WDFY4: variants seen among roughly 807,000 people sequenced by gnomAD.
WDFY4 encodes the protein WD repeat- and FYVE domain-containing protein 4.
Under a neutral mutation model 351.9 loss-of-function variants are expected in WDFY4, and 169 were observed. That is an observed-to-expected ratio of 0.48 (90% CI 0.42 to 0.55). WDFY4 has a LOEUF of 0.55. Ranked by LOEUF, WDFY4 falls within the 20% of genes least tolerant of loss-of-function variation. The pLI, the probability that WDFY4 is intolerant of heterozygous loss-of-function variation, is 0.00. For missense variants in WDFY4, 3,803 were observed against 3,935.6 expected (o/e 0.97, Z 0.90); for synonymous variants, 1,622 against 1,574.6 (o/e 1.03, Z -0.71).
chr10:48,767,425 G>C (rs756032450), intron 13 of WDFY4, among the ~76,000 whole-genome samples: 12 of 152,174 alleles, frequency 7.9e-5, no homozygotes, highest in Non-Finnish European at 1.6e-4. Flanking sequence ...TACATTTTAG[G>C]TATATTTCCA....
intron 47 of WDFY4, among the ~76,000 whole-genome samples, chr10:48,937,783 C>G (rs557251116): frequency 6.6e-6 from 1 of 152,314 alleles, no homozygotes; most frequent in South Asian, 2.1e-4. Flanking sequence ...ACGTCTGTCT[C>G]TACATGGATT....
intron 36 of WDFY4, among the ~76,000 whole-genome samples, chr10:48,828,223 G>A (rs2068069159): frequency 6.6e-6 from 1 of 152,156 alleles, no homozygotes; most frequent in African/African-American, 2.4e-5. Context: ...ATAAACCACT[G>A]TGTCCCCACT....
At chr10:48,865,656 G>A (rs914369779) in intron 39 of WDFY4, among the ~76,000 whole-genome samples, 4 of 152,320 alleles carry the variant, frequency 2.6e-5, no homozygotes, top group Non-Finnish European at 4.4e-5. Flanking sequence ...TTCACTAAGT[G>A]GTGGTTAGGA....
chr10:48,953,029 A>G (rs1841404903), intron 51 of WDFY4, among the ~76,000 whole-genome samples: 1 of 151,850 alleles, frequency 6.6e-6, no homozygotes, highest in Non-Finnish European at 1.5e-5. Context: ...GTCATCCCAC[A>G]GTCCTTCAGA....
chr10:48,778,377 C>G (rs867716551), intron 17 of WDFY4, among the ~76,000 whole-genome samples: 44 of 152,262 alleles, frequency 2.9e-4, no homozygotes, highest in African/African-American at 1.1e-3. Flanking sequence ...GAGCACACTG[C>G]CTGGCTATAG....
intron 32 of WDFY4, among the ~76,000 whole-genome samples, chr10:48,817,616 A>G (rs2067667671): frequency 6.6e-6 from 1 of 152,230 alleles, no homozygotes. Context: ...AGATTCAATA[A>G]TTTTTTTGAG....
intron 1 of WDFY4, among the ~76,000 whole-genome samples, chr10:48,701,532 T>G (rs1227625680): frequency 1.3e-5 from 2 of 152,222 alleles, no homozygotes; most frequent in African/African-American, 4.8e-5. Context: ...GGATGAGAAC[T>G]TAAAGGACAG....
At chr10:48,722,558 C>G (rs981103492) in intron 4 of WDFY4, among the ~76,000 whole-genome samples, 3 of 152,224 alleles carry the variant, frequency 2.0e-5, no homozygotes, top group Non-Finnish European at 4.4e-5. Context: ...TTCTCTTTCT[C>G]TGACTTCCCC....
intron 39 of WDFY4, among the ~76,000 whole-genome samples, chr10:48,845,923 C>T (rs2068761682): frequency 6.6e-6 from 1 of 152,180 alleles, no homozygotes; most frequent in South Asian, 2.1e-4. Context: ...ATCCATTCCT[C>T]ATCCATCAAC....
At chr10:48,828,917 T>A in intron 37 of WDFY4, 21 bp downstream of exon 37, 2 of 57,372 alleles carry the variant, frequency 3.5e-5, no homozygotes, top group Non-Finnish European at 6.6e-5. Context: ...TTTGTCATTG[T>A]GTGTGTGGGC....
intron 39 of WDFY4, among the ~76,000 whole-genome samples, chr10:48,843,130 A>G (rs182759958): frequency 5.3e-5 from 8 of 152,266 alleles, no homozygotes; most frequent in East Asian, 3.8e-4. Flanking sequence ...CCTTAGGGAC[A>G]GATACTCAGT....
Position 48,830,727 on chromosome 10 carries a change from A to C in WDFY4, c.6368A>C (p.Gln2123Pro). The change falls in exon 38 of 62, where the codon CAG becomes CCG. Residue 2123 changes from glutamine (Q) to proline (P), a missense_variant. Around this residue, in one of 3 missense-constraint regions of WDFY4, gnomAD observed 3,054 missense variants for 3,148.6 expected, o/e 0.97. Transcript: ENST00000325239. Reference sequence around the variant, plus strand: ...CAACACAACATCCAGAAGACAGTGCAGACTCTCTGGCAGCAGCTGGTGGCA... The same window carrying C: ...CAACACAACATCCAGAAGACAGTGCCGACTCTCTGGCAGCAGCTGGTGGCA... ...DVQHNIQKTV[Q>P]TLWQQLVAQR... 1 of 1,551,694 alleles carries C rather than the reference A, an allele frequency of 6.4e-7. No homozygotes were observed. The highest frequency in any genetic ancestry group is 1.2e-5 in the South Asian group (1 of 84,048).
Position 48,780,267 on chromosome 10 carries a change from A to C in WDFY4, c.3576+148A>C, listed in dbSNP as rs1005844955. ...GTTGGCATCTAATGAAATCTGCCTT[A>C]CTGTTCAGGAAACTTGGCTGAGTTC... On this transcript the variant is annotated intron_variant, in intron 19 of 61. Transcript: ENST00000325239. 5.6e-6 allele frequency: 6 copies of C among 1,065,936 alleles called. No homozygotes were observed. The African/African-American group carries it at 8.0e-5, about 14-fold the overall frequency. The allele number at this position is 1,065,936 out of a possible 1,614,324, so 66.0% of individuals were successfully genotyped here.
At chr10:48,859,233 C>G (rs542207407) in intron 39 of WDFY4, among the ~76,000 whole-genome samples, 2 of 152,154 alleles carry the variant, frequency 1.3e-5, no homozygotes, top group South Asian at 4.1e-4. Context: ...CCTTATTGCA[C>G]TGAATAGAAC....
chr10:48,691,556 C>A (rs760942350), intron 1 of WDFY4, among the ~76,000 whole-genome samples: 2 of 152,238 alleles, frequency 1.3e-5, no homozygotes, highest in Non-Finnish European at 2.9e-5. Context: ...TGCCTCCTCC[C>A]CTTGCCCTCC....
intron 10 of WDFY4, among the ~76,000 whole-genome samples, chr10:48,734,699 G>C (rs573090603): frequency 2.0e-5 from 3 of 151,876 alleles, no homozygotes. Flanking sequence ...GTTCCCCGGA[G>C]GTGCTGGCTA....
intron 20 of WDFY4, among the ~76,000 whole-genome samples, chr10:48,787,918 CTTCTT>C (rs2066512873): frequency 1.6e-5 from 1 of 62,848 alleles, no homozygotes; most frequent in Non-Finnish European, 3.0e-5. Flanking sequence ...TCTTCTTCTT[CTTCTT>C]CTTCTTCTTC....
At chr10:48,728,088 G>T (rs577597512) in intron 7 of WDFY4, among the ~76,000 whole-genome samples, 8 of 152,250 alleles carry the variant, frequency 5.3e-5, no homozygotes, top group Non-Finnish European at 1.0e-4. Context: ...GGGTGGGCTT[G>T]CTCTGCATGG....
In WDFY4 at chr10:48,875,112, T is replaced by C. The variant is rs758206572; in HGVS notation, c.6972T>C (p.His2324=). 6.7e-7 allele frequency: 1 copy of C among 1,490,146 alleles called. No individual in the cohort carries two copies. Among genetic ancestry groups the C allele is most frequent in the Non-Finnish European group, 8.9e-7 (1 of 1,117,750 alleles). 92.3% of individuals were successfully genotyped at this position (1,490,146 alleles called of 1,614,324 possible). The part of the protein sequence containing the change: ...RHKESQDKND[H]ISQTNAENQD... The stretch of plus-strand genomic sequence containing the variant: ...AGGAAAGCCAAGACAAAAATGATCA[T>C]ATTTCTCAAACAAATGCTGAAAACC... Residue 2324 remains histidine, a synonymous_variant, in exon 42 of 62, where the codon CAT becomes CAC. Transcript: ENST00000325239.
Sources: gnomAD v4.1 joint callset for allele counts (sites outside exome capture counted in the v4.1 genomes callset) on GRCh38, gnomAD v4.1.1 for gene constraint, gnomAD v4.1.1 regional missense constraint, MANE v1.5 for transcripts, NCBI Gene and HGNC (gene_info 2026-07-23, HGNC 2026-07-21) for gene names.